TACR3: variants seen among roughly 807,000 people sequenced by gnomAD.
TACR3 encodes tachykinin receptor 3.
In TACR3, 34 loss-of-function variants were observed where a neutral mutation model predicts 35.0. That is an observed-to-expected ratio of 0.97 (90% confidence interval 0.74 to 1.30). TACR3 has a LOEUF of 1.30. Among genes scored for constraint, TACR3 ranks in the 50% most tolerant of loss-of-function variants. The probability of loss-of-function intolerance (pLI) is 0.00; values close to 1 mark genes in which losing one functional copy is unlikely to be tolerated. For synonymous variants in TACR3, 233 were observed against 221.1 expected, an observed-to-expected ratio of 1.05 and a Z score of -0.48; for missense variants, 558 against 591.7, an observed-to-expected ratio of 0.94 and a Z score of 0.59.
chr4:103,609,353 G>A (rs944642205), intron 3 of TACR3, among the ~76,000 whole-genome samples: 1 of 152,040 alleles, frequency 6.6e-6, no homozygotes, highest in Middle Eastern at 3.2e-3. Context: ...TGTTATAGAA[G>A]CTCTTGCTGT....
intron 1 of TACR3, among the ~76,000 whole-genome samples, chr4:103,672,527 TA>T (rs1726078368): frequency 6.6e-6 from 1 of 152,186 alleles, no homozygotes; most frequent in South Asian, 2.1e-4. Context: ...AAAGGAATCT[TA>T]TTTTCTGAAC....
intron 1 of TACR3, among the ~76,000 whole-genome samples, chr4:103,702,342 C>T (rs1722673152): frequency 6.6e-6 from 1 of 152,206 alleles, no homozygotes; most frequent in South Asian, 2.1e-4. Flanking sequence ...AAATCAAAAC[C>T]ACAATGAGAT....
At chr4:103,592,719 G>C (rs988321777) in intron 3 of TACR3, among the ~76,000 whole-genome samples, 11 of 152,154 alleles carry the variant, frequency 7.2e-5, no homozygotes, top group African/African-American at 2.7e-4. Flanking sequence ...CTGATGTAAA[G>C]GGCCTATGAG....
At chr4:103,597,239 T>A (rs1394844432) in intron 3 of TACR3, among the ~76,000 whole-genome samples, 2 of 151,014 alleles carry the variant, frequency 1.3e-5, no homozygotes, top group African/African-American at 4.9e-5. Flanking sequence ...GTGTTCCTAT[T>A]TCTCCACATC....
intron 3 of TACR3, among the ~76,000 whole-genome samples, chr4:103,595,157 A>C (rs185371137): frequency 2.0e-5 from 3 of 152,342 alleles, no homozygotes; most frequent in African/African-American, 7.2e-5. Flanking sequence ...ATGAGCAGTT[A>C]CCACTGTATT....
At chr4:103,692,246 A>T (rs1722420647) in intron 1 of TACR3, among the ~76,000 whole-genome samples, 1 of 152,234 alleles carries the variant, frequency 6.6e-6, no homozygotes, top group Non-Finnish European at 1.5e-5. Context: ...CCATGTAAAC[A>T]CTAATCAGAA....
In TACR3 at chr4:103,588,875, C is replaced by T. The variant is rs1004693716; in HGVS notation, c.*807G>A. The T allele has an allele frequency of 2.6e-5, 4 of 151,934 alleles. No homozygotes were observed. Among genetic ancestry groups the T allele is most frequent in the African/African-American group, 7.3e-5 (3 of 41,366 alleles). 9.4% of individuals were successfully genotyped at this position (151,934 alleles called of 1,614,324 possible). ...GAATGTACCTTTACTGTTTTATAAT[C>T]TAGCTATTTAAAAAATCTGTGAAAA... is the stretch of plus-strand genomic sequence containing the variant. On this transcript the variant is annotated 3_prime_UTR_variant, in exon 5 of 5. Coordinates refer to ENST00000304883, the MANE Select transcript of TACR3 (RefSeq NM_001059.3).
chr4:103,593,969 T>G (rs1464612891), intron 3 of TACR3, among the ~76,000 whole-genome samples: 1 of 152,160 alleles, frequency 6.6e-6, no homozygotes, highest in African/African-American at 2.4e-5. Flanking sequence ...TACTCAGAAA[T>G]TTTTTAAATG....
At chr4:103,607,259 C>A (rs1452112557) in intron 3 of TACR3, among the ~76,000 whole-genome samples, 4 of 152,060 alleles carry the variant, frequency 2.6e-5, no homozygotes, top group Non-Finnish European at 4.4e-5. Flanking sequence ...ATTGCCTATG[C>A]ATTATTCATT....
intron 3 of TACR3, among the ~76,000 whole-genome samples, chr4:103,639,504 A>T (rs912287767): frequency 2.6e-5 from 4 of 152,086 alleles, no homozygotes; most frequent in African/African-American, 9.7e-5. Context: ...TGACGAGTTA[A>T]TGGGTGCAGC....
At chr4:103,601,275 G>A (rs1382019746) in intron 3 of TACR3, among the ~76,000 whole-genome samples, 1 of 151,944 alleles carries the variant, frequency 6.6e-6, no homozygotes, top group African/African-American at 2.4e-5. Flanking sequence ...TTGAGCCTAT[G>A]TGTGTCTCTG....
intron 3 of TACR3, among the ~76,000 whole-genome samples, chr4:103,626,071 T>C (rs1230926440): frequency 6.6e-6 from 1 of 152,178 alleles, no homozygotes; most frequent in Non-Finnish European, 1.5e-5. Context: ...AATAAATGTC[T>C]ATAGTTTAAG....
At chr4:103,669,262 G>C (rs946532091) in intron 1 of TACR3, among the ~76,000 whole-genome samples, 1 of 151,992 alleles carries the variant, frequency 6.6e-6, no homozygotes, top group Non-Finnish European at 1.5e-5. Flanking sequence ...TCCATTCATT[G>C]ATGAAAAGTT....
intron 3 of TACR3, among the ~76,000 whole-genome samples, chr4:103,647,197 G>T (rs1217562498): frequency 2.6e-5 from 4 of 151,748 alleles, no homozygotes; most frequent in African/African-American, 9.7e-5. Context: ...ATGGTGTATT[G>T]AATAAAGACA....
chr4:103,603,878 C>T (rs189235107), intron 3 of TACR3, among the ~76,000 whole-genome samples: 10 of 152,148 alleles, frequency 6.6e-5, no homozygotes, highest in Non-Finnish European at 1.3e-4. Context: ...CAAACCACTG[C>T]TCAAGGAAAT....
intron 3 of TACR3, among the ~76,000 whole-genome samples, chr4:103,623,720 T>TGTAA (rs1355960490): frequency 6.6e-6 from 1 of 152,130 alleles, no homozygotes; most frequent in East Asian, 1.9e-4. Context: ...CCTAAATAAA[T>TGTAA]GTAAGTTGAT....
At chr4:103,702,135 T>G (rs1722665912) in intron 1 of TACR3, among the ~76,000 whole-genome samples, 1 of 151,988 alleles carries the variant, frequency 6.6e-6, no homozygotes, top group African/African-American at 2.4e-5. Flanking sequence ...GGGAGAAAAT[T>G]TTCGCAACTT....
chr4:103,686,649 T>C (rs1299747625), intron 1 of TACR3, among the ~76,000 whole-genome samples: 1 of 152,142 alleles, frequency 6.6e-6, no homozygotes, highest in Non-Finnish European at 1.5e-5. Context: ...GAGGAAAACA[T>C]AACCCATATG....
intron 1 of TACR3, among the ~76,000 whole-genome samples, chr4:103,699,885 T>C (rs1396536622): frequency 2.0e-5 from 3 of 152,022 alleles, no homozygotes; most frequent in Non-Finnish European, 2.9e-5. Context: ...ATGGCGATGT[T>C]GAGGAGGCTG....
Sources: allele counts gnomAD v4.1 joint callset (sites outside exome capture counted in the v4.1 genomes callset), GRCh38; gene constraint gnomAD v4.1.1; transcripts MANE v1.5; gene names NCBI Gene and HGNC (gene_info 2026-07-23, HGNC 2026-07-21).